OSTC: variants seen among roughly 807,000 people sequenced by gnomAD.
OSTC encodes the protein oligosaccharyltransferase complex subunit OSTC.
A neutral mutation model predicts 16.4 loss-of-function variants in OSTC; 16 were observed. The observed-to-expected ratio is 0.98, with a 90% CI of 0.66 to 1.49. The LOEUF (loss-of-function observed/expected upper bound fraction) is 1.49. Ranked by LOEUF, OSTC falls within the 40% of genes most tolerant of loss-of-function variation. OSTC has a pLI of 0.00. For synonymous variants in OSTC, 67 were observed against 68.5 expected (o/e 0.98, Z 0.11); for missense variants, 139 against 186.3 (o/e 0.75, Z 1.48).
intron 1 of OSTC, among the ~76,000 whole-genome samples, chr4:108,653,592 G>T (rs1262245937): frequency 6.6e-6 from 1 of 152,164 alleles, no homozygotes; most frequent in East Asian, 1.9e-4. Flanking sequence ...AATCTTACAG[G>T]TTTCTGGTTT....
intron 1 of OSTC, among the ~76,000 whole-genome samples, chr4:108,652,908 A>G (rs1038168473): frequency 2.0e-5 from 3 of 152,094 alleles, no homozygotes; most frequent in African/African-American, 7.2e-5. Flanking sequence ...GCGTGGTGGT[A>G]CACGCCTGTA....
intron 3 of OSTC, among the ~76,000 whole-genome samples, chr4:108,659,631 T>C (rs1726801891): frequency 6.6e-6 from 1 of 151,944 alleles, no homozygotes; most frequent in Non-Finnish European, 1.5e-5. Context: ...GAGCCAGGCA[T>C]GGTGTCGGGT....
At chr4:108,655,398 G>A (rs544707856) in intron 1 of OSTC, among the ~76,000 whole-genome samples, 166 bp from the exon 2 acceptor site, 30 of 152,076 alleles carry the variant, frequency 2.0e-4, no homozygotes, top group African/African-American at 5.1e-4. Context: ...CTTGGGTGGC[G>A]GAGTTTGGCA....
chr4:108,655,573 A>G lies in OSTC; in HGVS notation c.149A>G (p.Tyr50Cys). The change falls in exon 2 of 4, where the codon TAT becomes TGT. Residue 50 changes from tyrosine (Y) to cysteine (C), a missense_variant. Physicochemically the swap from Tyr to Cys is radical, Grantham distance 194. Coordinates refer to ENST00000361564, the MANE Select transcript of OSTC (RefSeq NM_021227.4). Reference sequence around the variant, plus strand: ...GTTGTCTTTCTTATAGGAATAATTTATGATGTTATTGTTGAACCTCCAAGT... The same window carrying G: ...GTTGTCTTTCTTATAGGAATAATTTGTGATGTTATTGTTGAACCTCCAAGT... ...SYFLITGGII[Y>C]DVIVEPPSVG... is the part of the protein sequence containing the mutation. 1 of 1,584,234 alleles carries G rather than the reference A, an allele frequency of 6.3e-7. No homozygotes were observed. Among genetic ancestry groups the G allele is most frequent in the Non-Finnish European group, 8.7e-7 (1 of 1,153,934 alleles).
At chr4:108,653,994 A>G (rs531565100) in intron 1 of OSTC, among the ~76,000 whole-genome samples, 4 of 152,298 alleles carry the variant, frequency 2.6e-5, no homozygotes, top group Non-Finnish European at 4.4e-5. Flanking sequence ...GGCCTCCAAC[A>G]TTTAGTTCTT....
chr4:108,650,769 G>C lies in OSTC; in HGVS notation c.114G>C (p.Val38=). The C allele has an allele frequency of 6.2e-7, 1 of 1,614,220 alleles. No homozygotes were observed. The highest frequency in any genetic ancestry group is 8.5e-7 in the Non-Finnish European group (1 of 1,180,034). Residue 38 remains valine (V), a synonymous_variant, in exon 1 of 4, where the codon GTG becomes GTC. Coordinates refer to ENST00000361564, the MANE Select transcript of OSTC (RefSeq NM_021227.4). ...PSAMTVYALV[V]VSYFLITGGI... ...CCATGACTGTGTATGCTCTGGTGGTGGTGTCTTACTTCCTCATCACCGGAG... is the reference window on the plus strand; with the variant it reads ...CCATGACTGTGTATGCTCTGGTGGTCGTGTCTTACTTCCTCATCACCGGAG...
chr4:108,653,331 A>G (rs1185392529), intron 1 of OSTC, among the ~76,000 whole-genome samples: 2 of 152,220 alleles, frequency 1.3e-5, no homozygotes, highest in Non-Finnish European at 2.9e-5. Context: ...TCTGGATTGG[A>G]TTCGATATGA....
rs914366765 is a variant in OSTC at position 108,650,936 on chromosome 4, G to A, written c.139+142G>A. 5.6e-6 allele frequency: 7 copies of A among 1,246,770 alleles called. No individual in the cohort carries two copies. In the African/African-American group the frequency reaches 9.1e-5, roughly 16 times the overall value. 77.2% of individuals were successfully genotyped at this position (1,246,770 alleles called of 1,614,324 possible). A position where few individuals can be genotyped will look rare whatever the true frequency, so the allele number is the denominator to read the frequency against. On this transcript the variant is annotated intron_variant, in intron 1 of 3. Transcript: ENST00000361564. The stretch of plus-strand genomic sequence containing the variant: ...TTTCTGAGGGTGGAGGGGAGTTCTG[G>A]GGTCCGAAGTGTTAACGTCCAAGTT...
rs1013428987 is a variant in OSTC at position 108,667,451 on chromosome 4, C to G, written c.*186C>G. 1 of 462,320 alleles carries G rather than the reference C, an allele frequency of 2.2e-6. No homozygotes were observed. The highest frequency in any genetic ancestry group is 3.8e-6 in the Non-Finnish European group (1 of 263,580). The allele number at this position is 462,320 out of a possible 1,614,324, so 28.6% of individuals were successfully genotyped here. The stretch of plus-strand genomic sequence containing the variant: ...GAATTTCTTCTTGGTATTAAAGAGA[C>G]AAGTTTATCACAGAATTTTTTTTCC... On this transcript the variant is annotated 3_prime_UTR_variant, in exon 4 of 4. Transcript: ENST00000361564.
At chr4:108,656,121 T>C (rs1726694938) in intron 2 of OSTC, among the ~76,000 whole-genome samples, 1 of 152,192 alleles carries the variant, frequency 6.6e-6, no homozygotes, top group Non-Finnish European at 1.5e-5. Context: ...TTTTGGACTA[T>C]ACCCTGGTCT....
At chr4:108,661,148 G>A (rs1439393602) in intron 3 of OSTC, among the ~76,000 whole-genome samples, 19 of 151,460 alleles carry the variant, frequency 1.3e-4, no homozygotes, top group Admixed American at 6.6e-5. Flanking sequence ...AACCCAGGAG[G>A]CAGAGGTTGC....
intron 1 of OSTC, 98 bp downstream of exon 1, chr4:108,650,892 A>G (rs1488638963): frequency 3.9e-6 from 6 of 1,551,376 alleles, no homozygotes; most frequent in African/African-American, 2.7e-5. Context: ...CGGGGGAAGC[A>G]TAGCTCTGCT....
At position 108,667,243 on chromosome 4, in the gene OSTC, GC is replaced by G; in HGVS notation, c.432-3del. The G allele has an allele frequency of 6.2e-7, 1 of 1,607,714 alleles. No homozygotes were observed. The highest frequency in any genetic ancestry group is 1.7e-5 in the Admixed American group (1 of 59,490). On this transcript the variant is annotated splice_polypyrimidine_tract_variant and splice_region_variant and intron_variant, in intron 3 of 3. Coordinates refer to ENST00000361564, the MANE Select transcript of OSTC (RefSeq NM_021227.4). ...TTTTTGTGCTTATAATTATATTTCT[GC>G]AGGGGCTATCTGATGGGTTAGAGTG...
rs145005193 is a variant in OSTC, at chr4:108,652,618, G to A, written c.139+1824G>A. On this transcript the variant is annotated intron_variant, in intron 1 of 3. Coordinates refer to ENST00000361564, the MANE Select transcript of OSTC (RefSeq NM_021227.4). Reference sequence around the variant, plus strand: ...AGTCAGCAAATAGATACTGAGTCCCGTTAAGTTTCAGGCACTAGGTACTGG... The same window carrying A: ...AGTCAGCAAATAGATACTGAGTCCCATTAAGTTTCAGGCACTAGGTACTGG... Among the ~76,000 whole-genome samples, 779 of 152,202 alleles carry A rather than the reference G, an allele frequency of 5.1e-3. 4 individuals carry two copies. Among genetic ancestry groups the A allele is most frequent in the Middle Eastern group, 0.01 (3 of 292 alleles).
chr4:108,662,786 T>C (rs1160138712), intron 3 of OSTC, among the ~76,000 whole-genome samples: 1 of 152,234 alleles, frequency 6.6e-6, no homozygotes, highest in Non-Finnish European at 1.5e-5. Flanking sequence ...GAGTTAAGGC[T>C]GTAGAGAAAC....
intron 3 of OSTC, among the ~76,000 whole-genome samples, chr4:108,661,120 A>G (rs1326015697): frequency 6.6e-6 from 1 of 151,480 alleles, no homozygotes. Flanking sequence ...TGGGAGGCTG[A>G]GGCACGAGAA....
At chr4:108,665,852 C>G (rs929744028) in intron 3 of OSTC, among the ~76,000 whole-genome samples, 2 of 152,028 alleles carry the variant, frequency 1.3e-5, no homozygotes, top group African/African-American at 2.4e-5. Flanking sequence ...GCTACCATGC[C>G]CAGCCCAACC....
At chr4:108,658,445 G>GTGTGTGTA (rs1395625511) in intron 3 of OSTC, among the ~76,000 whole-genome samples, 3 of 151,738 alleles carry the variant, frequency 2.0e-5, no homozygotes, top group Admixed American at 6.6e-5. Context: ...GTGTGTGTGT[G>GTGTGTGTA]TATGTGTGCG....
At chr4:108,663,939 C>T (rs1418082833) in intron 3 of OSTC, among the ~76,000 whole-genome samples, 2 of 152,058 alleles carry the variant, frequency 1.3e-5, no homozygotes, top group Non-Finnish European at 2.9e-5. Context: ...TACGGTTTTA[C>T]TTATGTAAAA....
Sources: allele counts gnomAD v4.1 joint callset (sites outside exome capture counted in the v4.1 genomes callset), GRCh38; gene constraint gnomAD v4.1.1; transcripts MANE v1.5; gene names NCBI Gene and HGNC (gene_info 2026-07-23, HGNC 2026-07-21).